TBC1D9: variants seen among roughly 807,000 people sequenced by gnomAD.
The protein encoded by TBC1D9 is TBC1 domain family member 9A.
In TBC1D9, 63 loss-of-function variants were observed where a neutral mutation model predicts 132.0. The ratio of observed to expected loss-of-function variants is 0.48; its 90% CI spans 0.39 to 0.59. The LOEUF is 0.59. TBC1D9 is among the 20% of genes least tolerant of loss of function. TBC1D9 has a pLI of 0.00. For missense variants in TBC1D9, 1,261 were observed against 1,592.7 expected, an observed-to-expected ratio of 0.79 and a Z score of 3.54; for synonymous variants, 610 against 609.9, an observed-to-expected ratio of 1.00 and a Z score of 0.00.
In TBC1D9 at chr4:140,670,790, A is replaced by G. The variant is rs1229284604; in HGVS notation, c.1196T>C (p.Leu399Pro). ...ATATATTTTGGAAGTAGTCTGTTGC[A>G]GGAAATCTGAGATCCTCTGCACTAG... The part of the protein sequence containing the change: ...DFLVQRISDF[L>P]QQTTSKIYSD... The change falls in exon 7 of 21, where the codon CTG (leucine) becomes CCG (proline). Residue 399 changes from leucine (L) to proline (P), a missense_variant. Leu to Pro is a moderately conservative substitution (Grantham distance 98). Around this residue, in one of 3 missense-constraint regions of TBC1D9, gnomAD observed 550 missense variants for 699.0 expected, o/e 0.79. Transcript: ENST00000442267. The G allele has an allele frequency of 6.2e-7, 1 of 1,614,024 alleles. No individual in the cohort carries two copies. Among genetic ancestry groups the G allele is most frequent in the Admixed American group, 1.7e-5 (1 of 60,022 alleles).
chr4:140,643,634 A>C (rs1578821051), intron 13 of TBC1D9: 1 of 1,017,280 alleles, frequency 9.8e-7, no homozygotes, highest in African/African-American at 1.6e-5. Flanking sequence ...GAACCGCCAC[A>C]GGCACCTCCA....
chr4:140,705,887 C>A (rs755532835), intron 1 of TBC1D9, among the ~76,000 whole-genome samples: 28 of 152,126 alleles, frequency 1.8e-4, no homozygotes, highest in Non-Finnish European at 3.8e-4. Context: ...AAATTACAGC[C>A]CTCAAAATAA....
intron 3 of TBC1D9, among the ~76,000 whole-genome samples, chr4:140,680,868 A>T (rs964154732): frequency 6.6e-6 from 1 of 152,214 alleles, no homozygotes; most frequent in South Asian, 2.1e-4. Context: ...TGTCTTCCTA[A>T]AATGGATTTG....
chr4:140,624,353 C>T lies in TBC1D9; in HGVS notation c.2935G>A (p.Asp979Asn), dbSNP rs771748228. Reference sequence around the variant, plus strand: ...AGGCTCACCGTAACAAAGCCATCATCTGCACCCTGTTTGCTTCTGCTATCC... The same window carrying T: ...AGGCTCACCGTAACAAAGCCATCATTTGCACCCTGTTTGCTTCTGCTATCC... ...GLDSRSKQGA[D>N]DGFVTVSLKP... Residue 979 changes from aspartate to asparagine, a missense_variant, in exon 19 of 21, where the codon GAT (aspartate) becomes AAT (asparagine). Coordinates refer to ENST00000442267, the MANE Select transcript of TBC1D9 (RefSeq NM_015130.3). 1.2e-6 allele frequency: 2 copies of T among 1,613,852 alleles called. No homozygotes were observed. The highest frequency in any genetic ancestry group is 2.2e-5 in the South Asian group (2 of 91,018).
chr4:140,696,867 T>C (rs1261251672), intron 2 of TBC1D9, among the ~76,000 whole-genome samples: 1 of 152,246 alleles, frequency 6.6e-6, no homozygotes, highest in Non-Finnish European at 1.5e-5. Context: ...GTTTCTTTTA[T>C]AGCAATATTT....
chr4:140,692,629 A>C (rs1348748476), intron 2 of TBC1D9, among the ~76,000 whole-genome samples: 1 of 152,232 alleles, frequency 6.6e-6, no homozygotes, highest in East Asian at 1.9e-4. Flanking sequence ...TCCACATCTA[A>C]CTAAAGTTAT....
chr4:140,645,263 C>A, intron 13 of TBC1D9: 1 of 526,994 alleles, frequency 1.9e-6, no homozygotes, highest in Admixed American at 2.0e-5. Flanking sequence ...ATCTGCTTGG[C>A]TGTGCTCTTT....
At chr4:140,727,464 T>C (rs1237088108) in intron 1 of TBC1D9, among the ~76,000 whole-genome samples, 1 of 152,210 alleles carries the variant, frequency 6.6e-6, no homozygotes, top group Non-Finnish European at 1.5e-5. Flanking sequence ...AAACCACCTA[T>C]GGCCTAGGAT....
At position 140,668,941 on chromosome 4, in the gene TBC1D9, C is replaced by A; in HGVS notation, c.1564G>T (p.Gly522Trp). Residue 522 changes from glycine to tryptophan, a missense_variant, in exon 9 of 21, where the codon GGG becomes TGG. By Grantham distance (184) the Gly-to-Trp change is radical. This residue lies in a region of TBC1D9 where 550 missense variants were observed against 699.0 expected (regional missense o/e 0.79). Coordinates refer to ENST00000442267, the MANE Select transcript of TBC1D9 (RefSeq NM_015130.3). Reference sequence around the variant, plus strand: ...CCTGACAGCAGCAGCCAGAGCTCCCCACGCATGCTCTCCGGGATGCCCTTC... The same window carrying A: ...CCTGACAGCAGCAGCCAGAGCTCCCAACGCATGCTCTCCGGGATGCCCTTC... ...VLKGIPESMR[G>W]ELWLLLSGAI... 3 of 1,613,936 alleles carry A rather than the reference C, an allele frequency of 1.9e-6. No individual in the cohort carries two copies. The highest frequency in any genetic ancestry group is 2.5e-6 in the Non-Finnish European group (3 of 1,179,878).
At chr4:140,700,141 G>T (rs1178460902) in intron 2 of TBC1D9, among the ~76,000 whole-genome samples, 2 of 151,028 alleles carry the variant, frequency 1.3e-5, no homozygotes, top group Non-Finnish European at 2.9e-5. Flanking sequence ...TACAAAAAAA[G>T]AAATTATATT....
chr4:140,635,910 G>A (rs976875438), intron 15 of TBC1D9, among the ~76,000 whole-genome samples: 6 of 152,164 alleles, frequency 3.9e-5, no homozygotes, highest in Non-Finnish European at 8.8e-5. Flanking sequence ...TACTCTGAAC[G>A]AGCATGAGTG....
At chr4:140,627,575 C>T in intron 17 of TBC1D9, 48 bp from the exon 18 acceptor site, 2 of 1,166,942 alleles carry the variant, frequency 1.7e-6, no homozygotes, top group Non-Finnish European at 2.5e-6. Context: ...GGCCATGATC[C>T]AGTGAAAGTA....
chr4:140,744,467 G>A (rs1371580130), intron 1 of TBC1D9, among the ~76,000 whole-genome samples: 2 of 152,140 alleles, frequency 1.3e-5, no homozygotes, highest in East Asian at 3.9e-4. Flanking sequence ...TTAAAACAGA[G>A]ATCAGGTCAC....
chr4:140,665,109 G>GAAAAA (rs373062026), intron 9 of TBC1D9, among the ~76,000 whole-genome samples: 2 of 60,130 alleles, frequency 3.3e-5, no homozygotes, highest in Non-Finnish European at 6.7e-5. Context: ...TCAGTCTCCA[G>GAAAAA]AAAAAAAAAA....
At chr4:140,665,833 C>T (rs1480489028) in intron 9 of TBC1D9, among the ~76,000 whole-genome samples, 1 of 152,052 alleles carries the variant, frequency 6.6e-6, no homozygotes, top group Non-Finnish European at 1.5e-5. Context: ...CGTGCCACCA[C>T]ACCCAGCTAG....
In TBC1D9 at chr4:140,634,122, G is replaced by C; in HGVS notation, c.2572C>G (p.Leu858Val). 1 of 1,614,016 alleles carries C rather than the reference G, an allele frequency of 6.2e-7. No homozygotes were observed. The highest frequency in any genetic ancestry group is 2.2e-5 in the East Asian group (1 of 44,882). ...ATGCGATACTGTTCCAGGTAGGGCAGGCTGGGGTCATGCCGGTCCAGCGCG... is the reference window on the plus strand; with the variant it reads ...ATGCGATACTGTTCCAGGTAGGGCACGCTGGGGTCATGCCGGTCCAGCGCG... ...SNALDRHDPS[L>V]PYLEQYRIDF... The change falls in exon 16 of 21, where the codon CTG (leucine) becomes GTG (valine). Residue 858 changes from leucine (L) to valine (V), a missense_variant. Leu to Val is a conservative substitution (Grantham distance 32). This residue lies in a region of TBC1D9 where 618 missense variants were observed against 724.4 expected (regional missense o/e 0.85). Transcript: ENST00000442267.
chr4:140,710,242 C>A (rs2111047346), intron 1 of TBC1D9, among the ~76,000 whole-genome samples: 1 of 152,140 alleles, frequency 6.6e-6, no homozygotes, highest in South Asian at 2.1e-4. Context: ...CCGAGGGGCA[C>A]TGGTTAAAAA....
At chr4:140,664,093 A>T (rs974562542) in intron 9 of TBC1D9, among the ~76,000 whole-genome samples, 1 of 151,794 alleles carries the variant, frequency 6.6e-6, no homozygotes, top group African/African-American at 2.4e-5. Context: ...TCATGGGAAC[A>T]ATGTGAGGTA....
chr4:140,626,758 T>C (rs935362239), intron 18 of TBC1D9, among the ~76,000 whole-genome samples: 4 of 152,222 alleles, frequency 2.6e-5, no homozygotes, highest in African/African-American at 9.6e-5. Context: ...AGCCAGCATA[T>C]GTCTTTTGTA....
Sources: gnomAD v4.1 joint callset for allele counts (sites outside exome capture counted in the v4.1 genomes callset) on GRCh38, gnomAD v4.1.1 for gene constraint, gnomAD v4.1.1 regional missense constraint, MANE v1.5 for transcripts, NCBI Gene and HGNC (gene_info 2026-07-23, HGNC 2026-07-21) for gene names.